Variants in RTN4RL1 observed in about 807,000 individuals in gnomAD.
RTN4RL1 encodes the protein reticulon-4 receptor-like 1.
RTN4RL1 carries 7 observed loss-of-function variants against 25.6 expected under a neutral mutation model. That is an observed-to-expected ratio of 0.27 (90% confidence interval 0.16 to 0.51). RTN4RL1 has a LOEUF of 0.51. RTN4RL1 is among the 20% of genes least tolerant of loss of function. The pLI, the probability that RTN4RL1 is intolerant of heterozygous loss-of-function variation, is 0.97. For synonymous variants in RTN4RL1, 297 were observed against 288.2 expected, an observed-to-expected ratio of 1.03 and a Z score of -0.31; for missense variants, 500 against 615.6, an observed-to-expected ratio of 0.81 and a Z score of 1.99.
intron 1 of RTN4RL1, among the ~76,000 whole-genome samples, chr17:1,956,350 G>C (rs1915793487): frequency 6.6e-6 from 1 of 151,938 alleles, no homozygotes; most frequent in South Asian, 2.1e-4. Context: ...ATCAGTGGGG[G>C]TGTGAAGCCT....
intron 1 of RTN4RL1, among the ~76,000 whole-genome samples, chr17:1,949,489 A>G (rs1004912503): frequency 1.3e-5 from 2 of 152,226 alleles, no homozygotes; most frequent in Non-Finnish European, 2.9e-5. Flanking sequence ...TTTGAGAAGC[A>G]GGTGCAGAAC....
intron 1 of RTN4RL1, among the ~76,000 whole-genome samples, chr17:1,979,850 C>T (rs1415310601): frequency 6.6e-6 from 1 of 152,180 alleles, no homozygotes; most frequent in Non-Finnish European, 1.5e-5. Context: ...TACCGCTAGG[C>T]AGGCCAAGCG....
chr17:2,016,399 CA>C (rs912751441), intron 1 of RTN4RL1, among the ~76,000 whole-genome samples: 3 of 150,990 alleles, frequency 2.0e-5, no homozygotes, highest in South Asian at 2.1e-4. Context: ...AAACAAAAAA[CA>C]AAAAAAAACT....
rs915208992 is a variant in RTN4RL1 at position 1,998,726 on chromosome 17, G to A, written c.13+26127C>T. The stretch of plus-strand genomic sequence containing the variant: ...CGCCCGGGCCCCGCTCCCCTCACGG[G>A]CCTCGCAGCACAGACGGGGACAGGG... On this transcript the variant is annotated intron_variant, in intron 1 of 1. Transcript: ENST00000331238. This position sits in a 1 kb window ranked among gnomAD's most constrained non-coding sequence, Gnocchi z 4.9. 2.6e-5 allele frequency among the ~76,000 whole-genome samples: 4 copies of A among 151,318 alleles called. No individual in the cohort carries two copies. The highest frequency in any genetic ancestry group is 1.3e-4 in the Admixed American group (2 of 15,246).
chr17:1,952,337 T>TGA (rs1315967224), intron 1 of RTN4RL1, among the ~76,000 whole-genome samples: 1 of 146,350 alleles, frequency 6.8e-6, no homozygotes, highest in Non-Finnish European at 1.5e-5. Flanking sequence ...GGTTGGTTTT[T>TGA]TTTTTTTTTT....
chr17:1,935,935 T>C lies in RTN4RL1; in HGVS notation c.*561A>G. 4 of 985,510 alleles carry C rather than the reference T, an allele frequency of 4.1e-6. No homozygotes were observed. The highest frequency in any genetic ancestry group is 4.8e-6 in the Non-Finnish European group (4 of 829,924). 61.0% of individuals were successfully genotyped at this position (985,510 alleles called of 1,614,324 possible). A position where few individuals can be genotyped will look rare whatever the true frequency, so the allele number is the denominator to read the frequency against. Reference sequence around the variant, plus strand: ...CCAGGGTTGCCTGAGACATCAGGAATGAGAGGCGCTACCCCCGAGGGAGGG... The same window carrying C: ...CCAGGGTTGCCTGAGACATCAGGAACGAGAGGCGCTACCCCCGAGGGAGGG... On this transcript the variant is annotated 3_prime_UTR_variant, in exon 2 of 2. Transcript: ENST00000331238.
intron 1 of RTN4RL1, among the ~76,000 whole-genome samples, chr17:2,012,416 C>T (rs1184182985): frequency 6.6e-6 from 1 of 152,210 alleles, no homozygotes; most frequent in African/African-American, 2.4e-5. Context: ...CCTCGGTATC[C>T]TCATCTGTAA....
chr17:2,013,799 A>C lies in RTN4RL1; in HGVS notation c.13+11054T>G, dbSNP rs9897502. ...CCTCACCCTGGAACATAAATACCCC[A>C]GCTCCCTCACCCTGGAACATAAATA... On this transcript the variant is annotated intron_variant, in intron 1 of 1. Transcript: ENST00000331238. 4.4e-4 allele frequency among the ~76,000 whole-genome samples: 38 copies of C among 86,308 alleles called. 2 individuals carry two copies. Among genetic ancestry groups the C allele is most frequent in the African/African-American group, 1.3e-3 (34 of 26,324 alleles). The allele number at this position is 86,308 out of a possible 152,430, so 56.6% of individuals were successfully genotyped here. A position where few individuals can be genotyped will look rare whatever the true frequency, so the allele number is the denominator to read the frequency against.
intron 1 of RTN4RL1, among the ~76,000 whole-genome samples, chr17:1,978,295 TC>T (rs1422861258): frequency 1.3e-5 from 2 of 152,178 alleles, no homozygotes; most frequent in African/African-American, 4.8e-5. Context: ...CCCACTGGGA[TC>T]CAAACCCAGC....
At chr17:1,970,338 T>C (rs1274583820) in intron 1 of RTN4RL1, among the ~76,000 whole-genome samples, 1 of 152,170 alleles carries the variant, frequency 6.6e-6, no homozygotes, top group African/African-American at 2.4e-5. Context: ...CTCCTCTTAA[T>C]GTGGTCTCTG....
intron 1 of RTN4RL1, among the ~76,000 whole-genome samples, chr17:2,001,894 C>A (rs1336199133): frequency 6.9e-6 from 1 of 144,942 alleles, no homozygotes. Context: ...CCCCCGTCCC[C>A]GGCTCCCCTG....
intron 1 of RTN4RL1, among the ~76,000 whole-genome samples, chr17:1,938,444 G>T (rs1303031656): frequency 6.6e-6 from 1 of 151,718 alleles, no homozygotes; most frequent in Non-Finnish European, 1.5e-5. Context: ...TGGGATTATA[G>T]GTGCGCACCA....
chr17:2,009,808 G>C lies in RTN4RL1; in HGVS notation c.13+15045C>G, dbSNP rs1471801457. ...GTGGCTGATGGACTTGGGACTGACC[G>C]CAAGTTCTGGTACTCTCCAAAGGAA... On this transcript the variant is annotated intron_variant, in intron 1 of 1. Coordinates refer to ENST00000331238, the MANE Select transcript of RTN4RL1 (RefSeq NM_178568.4). Among the ~76,000 whole-genome samples, 2 of 127,458 alleles carry C rather than the reference G, an allele frequency of 1.6e-5. 1 individual carries two copies. The highest frequency in any genetic ancestry group is 5.9e-4 in the East Asian group (2 of 3,396). 83.6% of individuals were successfully genotyped at this position (127,458 alleles called of 152,430 possible). A position where few individuals can be genotyped will look rare whatever the true frequency, so the allele number is the denominator to read the frequency against.
At chr17:2,013,257 C>CA (rs1424469527) in intron 1 of RTN4RL1, among the ~76,000 whole-genome samples, 1 of 152,182 alleles carries the variant, frequency 6.6e-6, no homozygotes, top group East Asian at 1.9e-4. Context: ...TACAGACCCC[C>CA]AGGGCTAAGT....
intron 1 of RTN4RL1, among the ~76,000 whole-genome samples, chr17:1,997,947 T>C (rs1020748358): frequency 6.6e-6 from 1 of 152,106 alleles, no homozygotes; most frequent in Non-Finnish European, 1.5e-5. Context: ...GGGGAAAGCG[T>C]GGGCGCAGGT....
At position 2,007,337 on chromosome 17, in the gene RTN4RL1, A is replaced by AACACACACACACACACACAC. The variant is rs34669886; in HGVS notation, c.13+17496_13+17515dup. On this transcript the variant is annotated intron_variant, in intron 1 of 1. Transcript: ENST00000331238. ...AGACCTAGGCCATGTTCACAGCCCC[A>AACACACACACACACACACAC]ACACACACACACACACACACACACA... 2.0e-3 allele frequency among the ~76,000 whole-genome samples: 286 copies of AACACACACACACACACACAC among 140,398 alleles called. 2 individuals carry two copies. Among genetic ancestry groups the AACACACACACACACACACAC allele is most frequent in the African/African-American group, 6.9e-3 (254 of 36,932 alleles). 92.1% of individuals were successfully genotyped at this position (140,398 alleles called of 152,430 possible).
In RTN4RL1 at chr17:1,936,825, G is replaced by C. The variant is rs750199465; in HGVS notation, c.997C>G (p.His333Asp). 2 of 1,583,028 alleles carry C rather than the reference G, an allele frequency of 1.3e-6. No homozygotes were observed. Among genetic ancestry groups the C allele is most frequent in the Admixed American group, 3.6e-5 (2 of 54,892 alleles). Reference protein sequence around the residue: ...RAARKEHHSPHGPTRSKGHPH... With the variant: ...RAARKEHHSPDGPTRSKGHPH... ...TGGCCCTTGCTCCTGGTGGGGCCGT[G>C]GGGTGAGTGGTGTTCCTTGCGGGCG... Residue 333 changes from histidine (H) to aspartate (D), a missense_variant, in exon 2 of 2, where the codon CAC becomes GAC. Coordinates refer to ENST00000331238, the MANE Select transcript of RTN4RL1 (RefSeq NM_178568.4).
intron 1 of RTN4RL1, among the ~76,000 whole-genome samples, chr17:1,958,835 G>A (rs1915841881): frequency 6.6e-6 from 1 of 152,208 alleles, no homozygotes; most frequent in Non-Finnish European, 1.5e-5. Context: ...TAATGAGTTG[G>A]TATAAAAATG....
chr17:1,962,556 G>A (rs1273736723), intron 1 of RTN4RL1, among the ~76,000 whole-genome samples: 2 of 151,724 alleles, frequency 1.3e-5, no homozygotes, highest in Admixed American at 6.6e-5. Flanking sequence ...AAATCATCTT[G>A]TAACCACCTT....
Sources: gnomAD v4.1 joint callset for allele counts (sites outside exome capture counted in the v4.1 genomes callset) on GRCh38, gnomAD v4.1.1 for gene constraint, Gnocchi (gnomAD v3.1) non-coding constraint, MANE v1.5 for transcripts, NCBI Gene and HGNC (gene_info 2026-07-23, HGNC 2026-07-21) for gene names.